Variants in NCAM2 observed in about 807,000 individuals in gnomAD.
NCAM2 encodes the protein N-CAM-2.
Under a neutral mutation model 98.1 loss-of-function variants are expected in NCAM2, and 30 were observed. The observed-to-expected ratio is 0.31, with a 90% CI of 0.23 to 0.41. The LOEUF (loss-of-function observed/expected upper bound fraction) is 0.41. Ranked by LOEUF, NCAM2 falls within the 10% of genes least tolerant of loss-of-function variation. NCAM2 has a pLI of 1.00. For synonymous variants in NCAM2, 368 were observed against 342.4 expected (o/e 1.07, Z -0.83); for missense variants, 867 against 1,005.8 (o/e 0.86, Z 1.87).
chr21:21,043,867 A>AG (rs59839192), intron 1 of NCAM2, among the ~76,000 whole-genome samples: 1 of 150,942 alleles, frequency 6.6e-6, no homozygotes, highest in African/African-American at 2.4e-5. Flanking sequence ...AAAAAAAAAA[A>AG]GAAAAAAGAA....
intron 1 of NCAM2, among the ~76,000 whole-genome samples, chr21:21,005,174 A>G (rs2064089046): frequency 6.6e-6 from 1 of 152,126 alleles, no homozygotes. Flanking sequence ...TTTTGGAGCC[A>G]TTGTTTGGGC....
intron 6 of NCAM2, among the ~76,000 whole-genome samples, chr21:21,329,108 C>A (rs1228507894): frequency 6.6e-6 from 1 of 151,982 alleles, no homozygotes; most frequent in Admixed American, 6.6e-5. Flanking sequence ...GCATGTGCCA[C>A]CATGCCCGGC....
At chr21:21,457,921 G>A (rs1227843565) in intron 12 of NCAM2, among the ~76,000 whole-genome samples, 3 of 152,138 alleles carry the variant, frequency 2.0e-5, no homozygotes, top group African/African-American at 7.2e-5. Context: ...TAAGGGTTTG[G>A]CCAGGAGGAC....
At chr21:21,393,356 G>C (rs1248431085) in intron 9 of NCAM2, among the ~76,000 whole-genome samples, 1 of 151,974 alleles carries the variant, frequency 6.6e-6, no homozygotes, top group Non-Finnish European at 1.5e-5. Context: ...TAGCCCTGTA[G>C]CTTTTCTGTG....
chr21:21,338,292 A>G (rs1248126854), intron 7 of NCAM2, 97 bp from the exon 8 acceptor site: 13 of 1,124,760 alleles, frequency 1.2e-5, no homozygotes, highest in Non-Finnish European at 1.7e-5. Context: ...ATAATATCAT[A>G]CTATACTATA....
At chr21:21,204,994 A>G (rs1176283310) in intron 1 of NCAM2, among the ~76,000 whole-genome samples, 1 of 152,028 alleles carries the variant, frequency 6.6e-6, no homozygotes, top group Admixed American at 6.6e-5. Flanking sequence ...TTAATAATGG[A>G]CTTCTGAGAT....
chr21:21,370,845 T>C (rs1377678092), intron 8 of NCAM2, among the ~76,000 whole-genome samples: 1 of 151,944 alleles, frequency 6.6e-6, no homozygotes, highest in Non-Finnish European at 1.5e-5. Flanking sequence ...GTAAAGCTTT[T>C]TGGATGTTGT....
At chr21:21,455,999 A>G (rs1052968219) in intron 12 of NCAM2, among the ~76,000 whole-genome samples, 59 of 152,202 alleles carry the variant, frequency 3.9e-4, no homozygotes, top group Middle Eastern at 3.4e-3. Flanking sequence ...TAAGAGAGAA[A>G]ACTTTAAAAA....
intron 1 of NCAM2, among the ~76,000 whole-genome samples, chr21:21,059,440 G>A (rs186660032): frequency 6.4e-4 from 98 of 152,178 alleles, no homozygotes; most frequent in Admixed American, 2.4e-3. Flanking sequence ...TTTAACTCTA[G>A]ACTTTGTGGC....
intron 10 of NCAM2, 73 bp from the exon 11 acceptor site, chr21:21,418,400 G>T: frequency 9.4e-7 from 1 of 1,063,486 alleles, no homozygotes. Context: ...GAAAGTGGTA[G>T]TCATACTGGG....
intron 8 of NCAM2, among the ~76,000 whole-genome samples, chr21:21,350,240 A>C (rs928003555): frequency 6.6e-6 from 1 of 152,170 alleles, no homozygotes; most frequent in Non-Finnish European, 1.5e-5. Flanking sequence ...AATTAAAAAA[A>C]ATCTAGAAAC....
At chr21:21,379,452 T>C (rs1350312245) in intron 9 of NCAM2, among the ~76,000 whole-genome samples, 3 of 152,076 alleles carry the variant, frequency 2.0e-5, no homozygotes, top group Non-Finnish European at 4.4e-5. Flanking sequence ...TATTGTAGTA[T>C]GTTGCATTTT....
chr21:21,332,891 G>A lies in NCAM2; in HGVS notation c.738-2614G>A, dbSNP rs369595045. 5.9e-5 allele frequency among the ~76,000 whole-genome samples: 9 copies of A among 152,292 alleles called. No individual in the cohort carries two copies. In the South Asian group the frequency reaches 1.7e-3, roughly 28 times the overall value. On this transcript the variant is annotated intron_variant, in intron 6 of 17. Coordinates refer to ENST00000400546, the MANE Select transcript of NCAM2 (RefSeq NM_004540.5). ...TTTTATATGTATAGCCAGTGTTTTT[G>A]TTGTTTAAATTGGGAGCATATAGTT...
At chr21:21,176,975 C>G (rs1207158620) in intron 1 of NCAM2, among the ~76,000 whole-genome samples, 1 of 151,998 alleles carries the variant, frequency 6.6e-6, no homozygotes, top group Non-Finnish European at 1.5e-5. Context: ...ATATAAATGT[C>G]TAGCCTGTAT....
At chr21:21,382,758 C>T (rs538439858) in intron 9 of NCAM2, among the ~76,000 whole-genome samples, 8 of 151,982 alleles carry the variant, frequency 5.3e-5, no homozygotes, top group Non-Finnish European at 1.2e-4. Flanking sequence ...TCTCAGACTC[C>T]TGACCTCGTG....
intron 5 of NCAM2, among the ~76,000 whole-genome samples, chr21:21,295,317 T>C (rs200631863): frequency 6.6e-6 from 1 of 151,828 alleles, no homozygotes; most frequent in East Asian, 1.9e-4. Flanking sequence ...ATAATACATG[T>C]TTAGGATCTT....
At chr21:21,373,015 G>C (rs1204761359) in intron 8 of NCAM2, among the ~76,000 whole-genome samples, 2 of 151,646 alleles carry the variant, frequency 1.3e-5, no homozygotes, top group Non-Finnish European at 2.9e-5. Flanking sequence ...AATGTATTTT[G>C]TTGTTATATT....
intron 1 of NCAM2, among the ~76,000 whole-genome samples, chr21:21,143,750 A>G (rs376539481): frequency 5.8e-5 from 8 of 137,826 alleles, no homozygotes; most frequent in East Asian, 4.3e-4. Flanking sequence ...TATTTAAAAT[A>G]TGTTTGGTGT....
chr21:21,355,849 TCCAC>T (rs2075464815), intron 8 of NCAM2, among the ~76,000 whole-genome samples: 1 of 151,994 alleles, frequency 6.6e-6, no homozygotes, highest in African/African-American at 2.4e-5. Context: ...CCTCAGGTGA[TCCAC>T]CCACCTCGGC....
Sources: allele counts gnomAD v4.1 joint callset (sites outside exome capture counted in the v4.1 genomes callset), GRCh38; gene constraint gnomAD v4.1.1; transcripts MANE v1.5; gene names NCBI Gene and HGNC (gene_info 2026-07-23, HGNC 2026-07-21).